The following ADAMTS19 variants were observed in gnomAD, a reference collection of about 807,000 sequenced individuals.
ADAMTS19 encodes ADAM metallopeptidase with thrombospondin type 1 motif 19, also known as A disintegrin and metalloproteinase with thrombospondin motifs 19.
A neutral mutation model predicts 153.3 loss-of-function variants in ADAMTS19; 93 were observed. The observed-to-expected ratio is 0.61, with a 90% CI of 0.51 to 0.72. The LOEUF (loss-of-function observed/expected upper bound fraction) is 0.72. Among genes scored for constraint, ADAMTS19 ranks in the 30% least tolerant of loss-of-function variants. The pLI is 0.00. For synonymous variants in ADAMTS19, 600 were observed against 556.6 expected (o/e 1.08, Z -1.10); for missense variants, 1,482 against 1,552.1 (o/e 0.95, Z 0.76).
chr5:129,643,655 C>G (rs1049786186), intron 11 of ADAMTS19, among the ~76,000 whole-genome samples: 2 of 151,980 alleles, frequency 1.3e-5, no homozygotes, highest in African/African-American at 4.8e-5. Flanking sequence ...TATTTTATCA[C>G]TATATATTAT....
At chr5:129,597,059 G>A (rs1750414103) in intron 8 of ADAMTS19, among the ~76,000 whole-genome samples, 2 of 152,242 alleles carry the variant, frequency 1.3e-5, no homozygotes, top group African/African-American at 2.4e-5. Flanking sequence ...CCAGGCATAA[G>A]TGAAGGAATT....
intron 18 of ADAMTS19, among the ~76,000 whole-genome samples, chr5:129,692,467 A>G (rs1346037641): frequency 6.6e-6 from 1 of 152,172 alleles, no homozygotes; most frequent in Non-Finnish European, 1.5e-5. Context: ...TTGACCTACC[A>G]AGGAATAGCA....
intron 2 of ADAMTS19, among the ~76,000 whole-genome samples, chr5:129,473,253 A>C (rs1203040517): frequency 4.6e-5 from 7 of 151,986 alleles, no homozygotes; most frequent in Admixed American, 4.6e-4. Context: ...ATATCAGCTA[A>C]TCAGATTAAT....
chr5:129,658,669 G>A lies in ADAMTS19; in HGVS notation c.2357G>A (p.Gly786Asp), dbSNP rs560637378. 6.2e-7 allele frequency: 1 copy of A among 1,613,426 alleles called. No homozygotes were observed. The highest frequency in any genetic ancestry group is 1.1e-5 in the South Asian group (1 of 91,030). ...TCTCTTGCAAGAGAAGATCATTGTG[G>A]TGTATGCAATGGCAATGGAAAATCA... ...LGSLAREDHC[G>D]VCNGNGKSCK... The change falls in exon 15 of 23, where the codon GGT becomes GAT. Residue 786 changes from glycine to aspartate, a missense_variant. Transcript: ENST00000274487.
chr5:129,619,874 A>G (rs765974077), intron 8 of ADAMTS19, among the ~76,000 whole-genome samples: 8 of 152,100 alleles, frequency 5.3e-5, no homozygotes, highest in Non-Finnish European at 1.0e-4. Flanking sequence ...AAGGAAAAAA[A>G]TAAATGATGA....
At chr5:129,575,742 A>G (rs993448341) in intron 7 of ADAMTS19, among the ~76,000 whole-genome samples, 1 of 152,212 alleles carries the variant, frequency 6.6e-6, no homozygotes, top group East Asian at 1.9e-4. Context: ...TTGTGTCATA[A>G]ACATTATATT....
At chr5:129,724,953 A>C (rs1757145787) in intron 21 of ADAMTS19, among the ~76,000 whole-genome samples, 1 of 152,070 alleles carries the variant, frequency 6.6e-6, no homozygotes, top group African/African-American at 2.4e-5. Context: ...AATGTTGAAC[A>C]TATCTGGGCC....
At chr5:129,732,552 G>A (rs1040837938) in intron 21 of ADAMTS19, among the ~76,000 whole-genome samples, 8 of 151,818 alleles carry the variant, frequency 5.3e-5, no homozygotes, top group Non-Finnish European at 7.4e-5. Flanking sequence ...TCAAGAAGAC[G>A]GTCCCATTTA....
At position 129,729,920 on chromosome 5, in the gene ADAMTS19, C is replaced by A. The variant is rs184549942; in HGVS notation, c.3313-5012C>A. Among the ~76,000 whole-genome samples, 520 of 152,094 alleles carry A rather than the reference C, an allele frequency of 3.4e-3. 2 individuals carry two copies. The highest frequency in any genetic ancestry group is 3.4e-3 in the Middle Eastern group (1 of 294). On this transcript the variant is annotated intron_variant, in intron 21 of 22. Coordinates refer to ENST00000274487, the MANE Select transcript of ADAMTS19 (RefSeq NM_133638.6). The stretch of plus-strand genomic sequence containing the variant: ...ATGGGCCTCTTTGAAATATCGAGAA[C>A]CTTCTTTATCACATCAGAGTGAGCT...
intron 7 of ADAMTS19, among the ~76,000 whole-genome samples, chr5:129,568,270 G>C (rs940864795): frequency 3.3e-5 from 5 of 152,058 alleles, no homozygotes; most frequent in African/African-American, 1.2e-4. Flanking sequence ...ATTTTAAATA[G>C]CCTTGATATT....
chr5:129,712,213 C>T (rs1254692089), intron 21 of ADAMTS19, among the ~76,000 whole-genome samples: 5 of 152,004 alleles, frequency 3.3e-5, no homozygotes, highest in African/African-American at 1.2e-4. Flanking sequence ...GAACAGCTAT[C>T]CCCTAAAATA....
At chr5:129,564,012 T>C (rs1451488547) in intron 7 of ADAMTS19, among the ~76,000 whole-genome samples, 1 of 152,064 alleles carries the variant, frequency 6.6e-6, no homozygotes, top group Admixed American at 6.6e-5. Flanking sequence ...CTCCGCCTCC[T>C]GGGTTCAAGC....
At chr5:129,637,181 T>C (rs1255331294) in intron 10 of ADAMTS19, among the ~76,000 whole-genome samples, 2 of 152,212 alleles carry the variant, frequency 1.3e-5, no homozygotes, top group Non-Finnish European at 1.5e-5. Flanking sequence ...CCTTTAATTA[T>C]ACAGAAATTA....
intron 21 of ADAMTS19, among the ~76,000 whole-genome samples, chr5:129,705,530 C>A (rs1372020147): frequency 6.6e-6 from 1 of 152,176 alleles, no homozygotes; most frequent in Non-Finnish European, 1.5e-5. Flanking sequence ...CTACTTACAA[C>A]ATTCAAAATT....
intron 18 of ADAMTS19, among the ~76,000 whole-genome samples, chr5:129,684,879 C>T (rs148657566): frequency 0.081 from 12,329 of 151,728 alleles, 616 homozygotes; most frequent in Middle Eastern, 0.14. Context: ...CCCAGCTAGT[C>T]GAGAGGCTGA....
chr5:129,472,234 T>C (rs1750092010), intron 2 of ADAMTS19, among the ~76,000 whole-genome samples: 1 of 152,220 alleles, frequency 6.6e-6, no homozygotes, highest in African/African-American at 2.4e-5. Context: ...GACTTTTTAA[T>C]AATAGCCATT....
intron 6 of ADAMTS19, among the ~76,000 whole-genome samples, chr5:129,535,968 C>A (rs375869514): frequency 6.6e-6 from 1 of 151,982 alleles, no homozygotes; most frequent in Non-Finnish European, 1.5e-5. Context: ...CCTAGAAGAA[C>A]ACCTAGGCAA....
At chr5:129,731,976 A>G (rs2862756) in intron 21 of ADAMTS19, among the ~76,000 whole-genome samples, 2,032 of 152,254 alleles carry the variant, frequency 0.013, 41 homozygotes, top group African/African-American at 0.045. Context: ...CCTCTTACAT[A>G]TAGTTTTGAT....
rs115756437 is a variant in ADAMTS19 at position 129,626,343 on chromosome 5, T to A, written c.1770+3995T>A. The stretch of plus-strand genomic sequence containing the variant: ...ATACTATCAGTTTTAACCAGTATCT[T>A]AATTGATTCATTTTGCTAAACTATT... On this transcript the variant is annotated intron_variant, in intron 10 of 22. Coordinates refer to ENST00000274487, the MANE Select transcript of ADAMTS19 (RefSeq NM_133638.6). 2.7e-3 allele frequency among the ~76,000 whole-genome samples: 412 copies of A among 152,292 alleles called. 1 individual carries two copies. Among genetic ancestry groups the A allele is most frequent in the African/African-American group, 9.1e-3 (380 of 41,590 alleles).
Sources: allele counts gnomAD v4.1 joint callset (sites outside exome capture counted in the v4.1 genomes callset), GRCh38; gene constraint gnomAD v4.1.1; transcripts MANE v1.5; gene names NCBI Gene and HGNC (gene_info 2026-07-23, HGNC 2026-07-21).